The following PTCHD1 variants were observed in gnomAD, a reference collection of about 807,000 sequenced individuals.
The protein encoded by PTCHD1 is patched domain containing 1.
PTCHD1 carries 3 observed loss-of-function variants against 34.6 expected under a neutral mutation model. That is an observed-to-expected ratio of 0.09 (90% confidence interval 0.04 to 0.22). The LOEUF (loss-of-function observed/expected upper bound fraction) is 0.22, where lower values mean the gene tolerates loss of function less well. PTCHD1 is among the 10% of genes least tolerant of loss of function. The pLI is 1.00. For missense variants in PTCHD1, 504 were observed against 685.5 expected (o/e 0.74, Z 2.96); for synonymous variants, 305 against 283.1 (o/e 1.08, Z -0.77).
At chrX:23,388,507 T>C (rs1160582869) in intron 2 of PTCHD1, among the ~76,000 whole-genome samples, 4 of 112,233 alleles carry the variant, frequency 3.6e-5, no homozygotes, top group African/African-American at 1.3e-4. Context: ...GCGTCAGAGT[T>C]CCGCTTGCTG....
At chrX:23,347,978 C>A (rs770351516) in intron 1 of PTCHD1, among the ~76,000 whole-genome samples, 8 of 111,506 alleles carry the variant, frequency 7.2e-5, no homozygotes, top group African/African-American at 2.0e-4. Context: ...CCACTACATT[C>A]CAGCCTGGGT....
intron 1 of PTCHD1, among the ~76,000 whole-genome samples, chrX:23,339,394 T>G (rs763025054): frequency 8.9e-6 from 1 of 112,018 alleles, no homozygotes; most frequent in Non-Finnish European, 1.9e-5. Flanking sequence ...AAACTCAGAA[T>G]GTTTTATTCC....
intron 1 of PTCHD1, among the ~76,000 whole-genome samples, chrX:23,352,655 C>G (rs1303770935): frequency 9.0e-6 from 1 of 111,463 alleles, no homozygotes; most frequent in Non-Finnish European, 1.9e-5. Flanking sequence ...CATCACATAT[C>G]TCAGTGGTTC....
At position 23,393,350 on chromosome X, in the gene PTCHD1, A is replaced by G. The variant is rs761642166; in HGVS notation, c.1832A>G (p.Asp611Gly). ...GGCTTGCCTAAGAAAAATTTCACAG[A>G]CATGTTGAGGAATTCCTTTCTGAAA... ...STGLPKKNFT[D>G]MLRNSFLKAP... Residue 611 changes from aspartate (D) to glycine (G), a missense_variant, in exon 3 of 3, where the codon GAC becomes GGC. Coordinates refer to ENST00000379361, the MANE Select transcript of PTCHD1 (RefSeq NM_173495.3). The G allele has an allele frequency of 2.6e-5, 31 of 1,207,877 alleles. No individual in the cohort carries two copies. The highest frequency in any genetic ancestry group is 3.4e-5 in the Non-Finnish European group (30 of 893,076).
At chrX:23,364,050 A>G (rs1357742456) in intron 1 of PTCHD1, among the ~76,000 whole-genome samples, 2 of 112,208 alleles carry the variant, frequency 1.8e-5, no homozygotes, top group Non-Finnish European at 3.8e-5. Flanking sequence ...TGATAAGCAC[A>G]ACAAGATGGA....
At chrX:23,354,167 C>G (rs1161763693) in intron 1 of PTCHD1, among the ~76,000 whole-genome samples, 1 of 110,884 alleles carries the variant, frequency 9.0e-6, no homozygotes, top group Non-Finnish European at 1.9e-5. Context: ...GAGCAAGCCT[C>G]ATAGGTTTTT....
At chrX:23,341,668 C>A (rs922174493) in intron 1 of PTCHD1, among the ~76,000 whole-genome samples, 11 of 112,152 alleles carry the variant, frequency 9.8e-5, no homozygotes, top group Middle Eastern at 4.2e-3. Context: ...ATTTAATGAC[C>A]AGCAGGGGAG....
chrX:23,393,576 T>C lies in PTCHD1; in HGVS notation c.2058T>C (p.Phe686=), dbSNP rs1194791435. ...KVKFIVFNPS[F]VYMDRYASSL... ...AGTTCATCGTCTTCAATCCGTCCTT[T>C]GTATACATGGATCGATATGCCTCCT... The change falls in exon 3 of 3, where the codon TTT becomes TTC. Residue 686 remains phenylalanine, a synonymous_variant. Transcript: ENST00000379361. 4 of 1,211,009 alleles carry C rather than the reference T, an allele frequency of 3.3e-6. No homozygotes were observed. The highest frequency in any genetic ancestry group is 4.5e-6 in the Non-Finnish European group (4 of 894,853).
At position 23,403,758 on chromosome X, in the gene PTCHD1, C is replaced by A. The variant is rs1923176223; in HGVS notation, c.*9573C>A. The A allele has an allele frequency of 9.0e-6, 1 of 111,290 alleles. No individual in the cohort carries two copies. Among genetic ancestry groups the A allele is most frequent in the African/African-American group, 3.3e-5 (1 of 30,587 alleles). The allele number at this position is 111,290 out of a possible 1,213,427, so 9.2% of individuals were successfully genotyped here. ...AAGAGGCTGTGTATGCCACCCCAGA[C>A]CCCTGCATTTCTTAATATCTATAAA... On this transcript the variant is annotated 3_prime_UTR_variant, in exon 3 of 3. Transcript: ENST00000379361.
intron 1 of PTCHD1, among the ~76,000 whole-genome samples, chrX:23,340,020 C>T (rs2146607712): frequency 9.0e-6 from 1 of 111,640 alleles, no homozygotes; most frequent in East Asian, 2.8e-4. Context: ...TTTTGGTTGT[C>T]ACAACTTGGG....
chrX:23,360,603 C>A (rs983038876), intron 1 of PTCHD1, among the ~76,000 whole-genome samples: 3 of 111,453 alleles, frequency 2.7e-5, no homozygotes, highest in African/African-American at 6.5e-5. Context: ...AAACCAGCTC[C>A]TGGATTCACT....
rs372013381 is a variant in PTCHD1 at position 23,394,216 on chromosome X, G to C, written c.*31G>C. The C allele has an allele frequency of 1.8e-5, 18 of 981,597 alleles. No homozygotes were observed. The highest frequency in any genetic ancestry group is 2.6e-5 in the Non-Finnish European group (18 of 700,726). The allele number at this position is 981,597 out of a possible 1,213,427, so 80.9% of individuals were successfully genotyped here. On this transcript the variant is annotated 3_prime_UTR_variant, in exon 3 of 3. Coordinates refer to ENST00000379361, the MANE Select transcript of PTCHD1 (RefSeq NM_173495.3). ...TCTGCTTGGCATATTTTCACCTTAGGTCTTATCAAGACCAAAGAGATTATG... is the reference window on the plus strand; with the variant it reads ...TCTGCTTGGCATATTTTCACCTTAGCTCTTATCAAGACCAAAGAGATTATG...
chrX:23,347,606 A>G (rs1455512877), intron 1 of PTCHD1, among the ~76,000 whole-genome samples: 5 of 112,498 alleles, frequency 4.4e-5, no homozygotes, highest in African/African-American at 6.5e-5. Context: ...AGAAAAAATT[A>G]CAAGGCAAGC....
At chrX:23,351,204 G>A in intron 1 of PTCHD1, 1 of 689,283 alleles carries the variant, frequency 1.5e-6, no homozygotes, top group Non-Finnish European at 2.3e-6. Flanking sequence ...GAATTTCGGT[G>A]GAATCACTGG....
At chrX:23,352,938 G>A (rs760696988) in intron 1 of PTCHD1, among the ~76,000 whole-genome samples, 65 of 112,098 alleles carry the variant, frequency 5.8e-4, no homozygotes, top group Middle Eastern at 4.6e-3. Context: ...GGAAGCGCTA[G>A]ACTAAAGCAT....
At chrX:23,340,589 G>T in intron 1 of PTCHD1, among the ~76,000 whole-genome samples, 1 of 112,505 alleles carries the variant, frequency 8.9e-6, no homozygotes, top group South Asian at 3.7e-4. Context: ...GCAGGAGGCA[G>T]TGCTTTGTTG....
intron 1 of PTCHD1, among the ~76,000 whole-genome samples, chrX:23,372,448 T>C (rs1201570317): frequency 9.1e-6 from 1 of 110,467 alleles, no homozygotes; most frequent in Non-Finnish European, 1.9e-5. Context: ...AGCAGGGAAG[T>C]GACGTGTTTT....
intron 1 of PTCHD1, among the ~76,000 whole-genome samples, chrX:23,358,734 C>G (rs1233442145): frequency 2.7e-5 from 3 of 112,117 alleles, no homozygotes; most frequent in Non-Finnish European, 5.6e-5. Flanking sequence ...TGCCTATGTC[C>G]TGCATGGTAT....
intron 2 of PTCHD1, among the ~76,000 whole-genome samples, chrX:23,383,260 G>A (rs769668845): frequency 3.6e-4 from 40 of 112,025 alleles, no homozygotes; most frequent in Middle Eastern, 9.1e-3. Flanking sequence ...CATTTAAAAG[G>A]TAAAGTATCT....
Sources: gnomAD v4.1 joint callset for allele counts (sites outside exome capture counted in the v4.1 genomes callset) on GRCh38, gnomAD v4.1.1 for gene constraint, MANE v1.5 for transcripts, NCBI Gene and HGNC (gene_info 2026-07-23, HGNC 2026-07-21) for gene names.